Variants in ADAMTSL1 observed in about 807,000 individuals in gnomAD.
ADAMTSL1 encodes the protein ADAMTS-like protein 1.
ADAMTSL1 carries 126 observed loss-of-function variants against 201.8 expected under a neutral mutation model. The ratio of observed to expected loss-of-function variants is 0.62; its 90% confidence interval spans 0.54 to 0.72. The LOEUF (loss-of-function observed/expected upper bound fraction) is 0.72. ADAMTSL1 is among the 30% of genes least tolerant of loss of function. ADAMTSL1 has a pLI of 0.00. For missense variants in ADAMTSL1, 2,679 were observed against 2,277.8 expected, an observed-to-expected ratio of 1.18 and a Z score of -3.59; for synonymous variants, 1,121 against 903.4, an observed-to-expected ratio of 1.24 and a Z score of -4.32.
intron 2 of ADAMTSL1, among the ~76,000 whole-genome samples, chr9:18,418,887 A>G (rs1818812727): frequency 6.6e-6 from 1 of 152,218 alleles, no homozygotes; most frequent in African/African-American, 2.4e-5. Flanking sequence ...AGTTAAAACA[A>G]TTTGGAAAAG....
chr9:18,565,910 C>G (rs941502521), intron 3 of ADAMTSL1, among the ~76,000 whole-genome samples: 6 of 152,074 alleles, frequency 3.9e-5, no homozygotes, highest in African/African-American at 9.7e-5. Flanking sequence ...AATATGAGTA[C>G]TTTATAGTGC....
intron 2 of ADAMTSL1, among the ~76,000 whole-genome samples, chr9:18,192,404 T>C (rs1355452321): frequency 6.6e-6 from 1 of 152,182 alleles, no homozygotes; most frequent in Non-Finnish European, 1.5e-5. Flanking sequence ...TAGATTATGA[T>C]TATAAACAGA....
In ADAMTSL1 at chr9:18,892,399, ACCT is replaced by A. The variant is rs769610008; in HGVS notation, c.4658_4660del (p.Ser1553del). 6.2e-7 allele frequency: 1 copy of A among 1,612,400 alleles called. No individual in the cohort carries two copies. The highest frequency in any genetic ancestry group is 1.1e-5 in the South Asian group (1 of 90,510). ...TCTTCCTCTCCCCAGGTGGATGGTG[ACCT>A]CCTGGTCTGCCTGTACCCGGAGCTG... On this transcript the variant is annotated inframe_deletion, in exon 26 of 29. Transcript: ENST00000380548.
At chr9:18,361,028 C>CT (rs1214304140) in intron 2 of ADAMTSL1, among the ~76,000 whole-genome samples, 1 of 152,002 alleles carries the variant, frequency 6.6e-6, no homozygotes, top group African/African-American at 2.4e-5. Flanking sequence ...TGAAATGAAG[C>CT]TTGTTAAATG....
chr9:18,403,717 C>T (rs1331296880), intron 2 of ADAMTSL1, among the ~76,000 whole-genome samples: 1 of 152,176 alleles, frequency 6.6e-6, no homozygotes, highest in Non-Finnish European at 1.5e-5. Context: ...CCTCACCACA[C>T]TGTCTCCTCC....
chr9:18,165,833 A>C (rs1054097373), intron 2 of ADAMTSL1, among the ~76,000 whole-genome samples: 6 of 151,954 alleles, frequency 3.9e-5, no homozygotes, highest in South Asian at 2.1e-4. Context: ...GTGTAACTTT[A>C]TTTCCTAAAT....
At chr9:18,146,393 G>A (rs866778270) in intron 1 of ADAMTSL1, among the ~76,000 whole-genome samples, 2 of 152,084 alleles carry the variant, frequency 1.3e-5, no homozygotes, top group South Asian at 2.1e-4. Flanking sequence ...CAATAAAGAG[G>A]TATGAGCTAT....
At position 18,044,642 on chromosome 9, in the gene ADAMTSL1, T is replaced by C. The variant is rs574904639; in HGVS notation, c.88-119220T>C. Among the ~76,000 whole-genome samples, 12 of 152,290 alleles carry C rather than the reference T, an allele frequency of 7.9e-5. No homozygotes were observed. In the South Asian group the frequency reaches 2.5e-3, roughly 32 times the overall value. On this transcript the variant is annotated intron_variant, in intron 1 of 29. Transcript: ENST00000680146. ...AGGAAAACAGTGGATATAGATACAT[T>C]TGAGTTCAAACTGCCAGGTGAAGCC...
intron 2 of ADAMTSL1, among the ~76,000 whole-genome samples, chr9:18,212,271 G>T (rs1418191196): frequency 6.6e-6 from 1 of 152,152 alleles, no homozygotes; most frequent in African/African-American, 2.4e-5. Context: ...TCTGTGGTAG[G>T]AGGAAGATTG....
intron 2 of ADAMTSL1, among the ~76,000 whole-genome samples, chr9:18,460,322 G>A (rs1227046379): frequency 6.6e-6 from 1 of 152,028 alleles, no homozygotes; most frequent in African/African-American, 2.4e-5. Flanking sequence ...CCAACTCCAC[G>A]GCGAAATCCC....
At chr9:18,142,496 T>C (rs1397104910) in intron 1 of ADAMTSL1, among the ~76,000 whole-genome samples, 1 of 152,180 alleles carries the variant, frequency 6.6e-6, no homozygotes. Flanking sequence ...GGGCACCCCC[T>C]CACCTAATTC....
chr9:18,568,058 G>C (rs1156653013), intron 3 of ADAMTSL1, among the ~76,000 whole-genome samples: 14 of 152,024 alleles, frequency 9.2e-5, no homozygotes. Context: ...TTATTGTACT[G>C]TGCTCACCTG....
At chr9:18,183,849 C>G (rs1402468083) in intron 2 of ADAMTSL1, among the ~76,000 whole-genome samples, 1 of 152,154 alleles carries the variant, frequency 6.6e-6, no homozygotes, top group Non-Finnish European at 1.5e-5. Flanking sequence ...GTATGGATAA[C>G]TTTTCTATTA....
intron 4 of ADAMTSL1, among the ~76,000 whole-genome samples, chr9:18,589,079 G>T (rs542106490): frequency 9.9e-5 from 15 of 151,828 alleles, no homozygotes; most frequent in African/African-American, 3.1e-4. Flanking sequence ...GTTTTGCCAT[G>T]TTGGCCAGGC....
At chr9:18,567,622 A>T (rs1822004618) in intron 3 of ADAMTSL1, among the ~76,000 whole-genome samples, 1 of 152,132 alleles carries the variant, frequency 6.6e-6, no homozygotes, top group Non-Finnish European at 1.5e-5. Context: ...GCAAGTGAGC[A>T]GTTGTATACA....
intron 2 of ADAMTSL1, among the ~76,000 whole-genome samples, chr9:18,272,249 CA>C (rs1314611250): frequency 2.0e-5 from 3 of 151,990 alleles, no homozygotes; most frequent in Non-Finnish European, 4.4e-5. Flanking sequence ...GTACTGGTAC[CA>C]AAACAGAGAT....
chr9:18,662,166 A>G (rs1216581749), intron 9 of ADAMTSL1, 93 bp downstream of exon 9: 1 of 1,460,870 alleles, frequency 6.8e-7, no homozygotes, highest in African/African-American at 1.4e-5. Flanking sequence ...ATTAAAAATA[A>G]AATGAAATTA....
At chr9:18,584,934 G>T (rs182825870) in intron 4 of ADAMTSL1, among the ~76,000 whole-genome samples, 4 of 152,160 alleles carry the variant, frequency 2.6e-5, no homozygotes, top group Non-Finnish European at 5.9e-5. Flanking sequence ...AACTTACTCA[G>T]TCTCAGGTAT....
chr9:18,270,586 A>G (rs977806820), intron 2 of ADAMTSL1, among the ~76,000 whole-genome samples: 1 of 152,204 alleles, frequency 6.6e-6, no homozygotes, highest in African/African-American at 2.4e-5. Context: ...TAATATTTTT[A>G]TAATAATCCA....
Sources: allele counts gnomAD v4.1 joint callset (sites outside exome capture counted in the v4.1 genomes callset), GRCh38; gene constraint gnomAD v4.1.1; transcripts MANE v1.5; gene names NCBI Gene and HGNC (gene_info 2026-07-23, HGNC 2026-07-21).